Variants in NAPEPLD observed in about 807,000 individuals in gnomAD.
The protein encoded by NAPEPLD is N-acyl-phosphatidylethanolamine-hydrolyzing phospholipase D.
NAPEPLD carries 23 observed loss-of-function variants against 38.1 expected under a neutral mutation model. The observed-to-expected ratio is 0.60, with a 90% CI of 0.43 to 0.86. The LOEUF is 0.86. NAPEPLD is among the 40% of genes least tolerant of loss of function. The probability of loss-of-function intolerance (pLI) is 0.00; values close to 1 mark genes in which losing one functional copy is unlikely to be tolerated. For missense variants in NAPEPLD, 411 were observed against 476.8 expected (o/e 0.86, Z 1.28); for synonymous variants, 147 against 162.0 (o/e 0.91, Z 0.71).
At chr7:103,130,796 C>T (rs910535160) in intron 1 of NAPEPLD, among the ~76,000 whole-genome samples, 4 of 152,070 alleles carry the variant, frequency 2.6e-5, no homozygotes, top group South Asian at 4.2e-4. Flanking sequence ...GGGGTTTCAC[C>T]GTGTTACCCA....
In NAPEPLD at chr7:103,119,922, A is replaced by T. The variant is rs375168047; in HGVS notation, c.596T>A (p.Leu199Ter). The T allele has an allele frequency of 1.9e-6, 3 of 1,614,234 alleles. No individual in the cohort carries two copies. Among genetic ancestry groups the T allele is most frequent in the South Asian group, 1.1e-5 (1 of 91,090 alleles). ...DHLDYNSVIA[L>*]NERFGNELRW... ...CAACTCATTACCAAATCGCTCATTC[A>T]AAGCAATGACAGAATTGTAGTCCAG... Residue 199 changes from leucine (L) to a stop codon, truncating the protein, a stop_gained, in exon 3 of 5, where the codon TTG becomes TAG. Coordinates refer to ENST00000465647, the MANE Select transcript of NAPEPLD (RefSeq NM_001122838.3). LOFTEE classifies it high-confidence loss of function.
chr7:103,122,198 T>C (rs1806850990), intron 2 of NAPEPLD, among the ~76,000 whole-genome samples: 1 of 151,676 alleles, frequency 6.6e-6, no homozygotes, highest in Non-Finnish European at 1.5e-5. Flanking sequence ...CCCAAAGTGC[T>C]AGGATTACAG....
At chr7:103,112,280 T>C (rs996739059) in intron 4 of NAPEPLD, among the ~76,000 whole-genome samples, 5 of 152,106 alleles carry the variant, frequency 3.3e-5, no homozygotes, top group Non-Finnish European at 7.3e-5. Flanking sequence ...TATAAATCAT[T>C]CTACTATAAA....
At chr7:103,136,484 G>A (rs1029908055) in intron 1 of NAPEPLD, among the ~76,000 whole-genome samples, 1 of 151,562 alleles carries the variant, frequency 6.6e-6, no homozygotes, top group Non-Finnish European at 1.5e-5. Context: ...CTACTTGGGA[G>A]GCTGAGGCAG....
At chr7:103,119,459 T>C (rs916058276) in intron 3 of NAPEPLD, 118 bp downstream of exon 3, 3 of 1,104,260 alleles carry the variant, frequency 2.7e-6, no homozygotes, top group Non-Finnish European at 3.8e-6. Flanking sequence ...CAATCATGTA[T>C]AACAAAGTCC....
At chr7:103,112,371 A>C (rs1369983450) in intron 4 of NAPEPLD, among the ~76,000 whole-genome samples, 1 of 152,230 alleles carries the variant, frequency 6.6e-6, no homozygotes, top group Non-Finnish European at 1.5e-5. Context: ...CATCAATGAT[A>C]GACTGGATAA....
chr7:103,114,146 C>G (rs1805127421), intron 4 of NAPEPLD, among the ~76,000 whole-genome samples: 1 of 152,138 alleles, frequency 6.6e-6, no homozygotes, highest in African/African-American at 2.4e-5. Flanking sequence ...ATCCACCTGC[C>G]TCAGCCTCCC....
At position 103,148,962 on chromosome 7, in the gene NAPEPLD, G is replaced by A; in HGVS notation, c.-168C>T. 2.0e-6 allele frequency: 2 copies of A among 985,388 alleles called. No homozygotes were observed. Among genetic ancestry groups the A allele is most frequent in the African/African-American group, 3.5e-5 (2 of 57,352 alleles). 61.0% of individuals were successfully genotyped at this position (985,388 alleles called of 1,614,324 possible). A position where few individuals can be genotyped will look rare whatever the true frequency, so the allele number is the denominator to read the frequency against. The stretch of plus-strand genomic sequence containing the variant: ...AGATGCAGGCTCCGCAACTCGCGAG[G>A]TGCGAAAATTCAAATGAAGCCCTGT... On this transcript the variant is annotated 5_prime_UTR_variant, in exon 1 of 5. Transcript: ENST00000465647.
chr7:103,128,815 A>G (rs761157167), intron 1 of NAPEPLD, 23 bp from the exon 2 acceptor site: 30 of 1,586,270 alleles, frequency 1.9e-5, no homozygotes, highest in Non-Finnish European at 2.5e-5. Context: ...AGGGGGAAAA[A>G]TACTGAGTTG....
Position 103,101,652 on chromosome 7 carries a change from G to A in NAPEPLD, c.*1777C>T, listed in dbSNP as rs1446644872. 4 of 152,432 alleles carry A rather than the reference G, an allele frequency of 2.6e-5. No homozygotes were observed. The highest frequency in any genetic ancestry group is 4.8e-5 in the African/African-American group (2 of 41,370). The allele number at this position is 152,432 out of a possible 1,614,324, so 9.4% of individuals were successfully genotyped here. On this transcript the variant is annotated 3_prime_UTR_variant, in exon 5 of 5. Coordinates refer to ENST00000465647, the MANE Select transcript of NAPEPLD (RefSeq NM_001122838.3). Reference sequence around the variant, plus strand: ...TCTACACATTTTTCAGAGGTAGGTCGGAATTATCCTCTTGTTGCAAATGAG... The same window carrying A: ...TCTACACATTTTTCAGAGGTAGGTCAGAATTATCCTCTTGTTGCAAATGAG...
intron 2 of NAPEPLD, 24 bp from the exon 3 acceptor site, chr7:103,120,247 C>T: frequency 1.3e-6 from 2 of 1,583,230 alleles, no homozygotes; most frequent in Admixed American, 1.8e-5. Context: ...GAAAGCAAGA[C>T]AAAAGAGTAG....
chr7:103,133,031 C>G (rs965740552), intron 1 of NAPEPLD, among the ~76,000 whole-genome samples: 5 of 152,070 alleles, frequency 3.3e-5, no homozygotes, highest in Admixed American at 3.3e-4. Flanking sequence ...TTCAGAAATG[C>G]TCTTTAAAAA....
rs1402106615 is a variant in NAPEPLD, at chr7:103,103,206, T to C, written c.*223A>G. The C allele has an allele frequency of 1.2e-5, 4 of 346,754 alleles. No individual in the cohort carries two copies. The highest frequency in any genetic ancestry group is 8.5e-5 in the African/African-American group (4 of 47,236). 21.5% of individuals were successfully genotyped at this position (346,754 alleles called of 1,614,324 possible). ...ATGATATGAAATTTAAAATCCACAT[T>C]AGCCAATTCATTATTTAAATGACCC... On this transcript the variant is annotated 3_prime_UTR_variant, in exon 5 of 5. Coordinates refer to ENST00000465647, the MANE Select transcript of NAPEPLD (RefSeq NM_001122838.3).
At chr7:103,110,772 A>G (rs538898479) in intron 4 of NAPEPLD, among the ~76,000 whole-genome samples, 1 of 152,168 alleles carries the variant, frequency 6.6e-6, no homozygotes, top group Non-Finnish European at 1.5e-5. Context: ...TCAATTAGGA[A>G]AAGAGGAAGT....
intron 1 of NAPEPLD, among the ~76,000 whole-genome samples, chr7:103,129,527 T>A (rs1808503247): frequency 6.6e-6 from 1 of 152,152 alleles, no homozygotes; most frequent in African/African-American, 2.4e-5. Context: ...TTCAAGCAAG[T>A]CGAATATATA....
At chr7:103,124,253 G>A (rs1192578352) in intron 2 of NAPEPLD, among the ~76,000 whole-genome samples, 1 of 152,186 alleles carries the variant, frequency 6.6e-6, no homozygotes, top group African/African-American at 2.4e-5. Flanking sequence ...GAGGTCAGGA[G>A]TTTGAGACCA....
chr7:103,141,453 TG>T, intron 1 of NAPEPLD: 1 of 1,000,058 alleles, frequency 1.0e-6, no homozygotes, highest in South Asian at 1.3e-5. Context: ...GTCTTAGATC[TG>T]CGGGCCTCAG....
chr7:103,129,934 C>T (rs753304213), intron 1 of NAPEPLD, among the ~76,000 whole-genome samples: 18 of 152,188 alleles, frequency 1.2e-4, no homozygotes, highest in Non-Finnish European at 2.6e-4. Flanking sequence ...ATTCCTGCTA[C>T]TACTGCTACT....
upstream of NAPEPLD, chr7:103,149,189 C>T: frequency 7.0e-6 from 7 of 993,670 alleles, no homozygotes; most frequent in Non-Finnish European, 7.2e-6. Flanking sequence ...CGAGGTCCAA[C>T]AGAAACCACG....
Sources: gnomAD v4.1 joint callset for allele counts (sites outside exome capture counted in the v4.1 genomes callset) on GRCh38, gnomAD v4.1.1 for gene constraint, MANE v1.5 for transcripts, NCBI Gene and HGNC (gene_info 2026-07-23, HGNC 2026-07-21) for gene names.